KIF1B: variants seen among roughly 807,000 people sequenced by gnomAD.
KIF1B encodes kinesin family member 1B, also known as kinesin-like protein KIF1B.
Under a neutral mutation model 241.9 loss-of-function variants are expected in KIF1B, and 76 were observed. The ratio of observed to expected loss-of-function variants is 0.31; its 90% CI spans 0.26 to 0.38. The LOEUF is 0.38. Among genes scored for constraint, KIF1B ranks in the 10% least tolerant of loss-of-function variants. The probability of loss-of-function intolerance (pLI) is 1.00; values close to 1 mark genes in which losing one functional copy is unlikely to be tolerated. For synonymous variants in KIF1B, 750 were observed against 796.7 expected (o/e 0.94, Z 0.99); for missense variants, 1,622 against 2,271.4 (o/e 0.71, Z 5.81).
intron 27 of KIF1B, among the ~76,000 whole-genome samples, chr1:10,330,243 G>T (rs1173560502): frequency 6.6e-6 from 1 of 152,094 alleles, no homozygotes. Flanking sequence ...TGGAGCTAAG[G>T]GCTATATTCT....
At chr1:10,236,303 CAAA>C (rs869171370) in intron 2 of KIF1B, among the ~76,000 whole-genome samples, 16 of 151,506 alleles carry the variant, frequency 1.1e-4, no homozygotes, top group Admixed American at 4.0e-4. Flanking sequence ...ACAACAACAA[CAAA>C]AACCCATATA....
chr1:10,272,040 A>C (rs139575976), intron 8 of KIF1B, among the ~76,000 whole-genome samples: 22 of 152,346 alleles, frequency 1.4e-4, no homozygotes, highest in African/African-American at 4.8e-4. Flanking sequence ...TCTCGAAGAT[A>C]CTTCAGGACT....
chr1:10,373,084 G>A (rs1018952455), intron 45 of KIF1B, among the ~76,000 whole-genome samples: 2 of 151,726 alleles, frequency 1.3e-5, no homozygotes, highest in African/African-American at 4.8e-5. Context: ...CAAAGTGCTG[G>A]GATTACAGGC....
chr1:10,333,814 A>C (rs1015519073), intron 27 of KIF1B, among the ~76,000 whole-genome samples: 1 of 151,900 alleles, frequency 6.6e-6, no homozygotes, highest in Admixed American at 6.5e-5. Flanking sequence ...TGTTTTATCT[A>C]TTGGGAAAAA....
chr1:10,292,030 A>G lies in KIF1B; in HGVS notation c.1515-17A>G. ...CATTTTGGTATTAGTGTTCTGATATACCTGTTTTTTTCCTAGAGAGGCTTT... is the reference window on the plus strand; with the variant it reads ...CATTTTGGTATTAGTGTTCTGATATGCCTGTTTTTTTCCTAGAGAGGCTTT... On this transcript the variant is annotated splice_polypyrimidine_tract_variant and intron_variant, in intron 16 of 48. Coordinates refer to ENST00000676179, the MANE Select transcript of KIF1B (RefSeq NM_001365951.3). 1 of 1,608,590 alleles carries G rather than the reference A, an allele frequency of 6.2e-7. No individual in the cohort carries two copies. The highest frequency in any genetic ancestry group is 8.5e-7 in the Non-Finnish European group (1 of 1,175,064).
chr1:10,298,198 T>A (rs1447880592), intron 22 of KIF1B, among the ~76,000 whole-genome samples: 2 of 152,248 alleles, frequency 1.3e-5, no homozygotes, highest in Non-Finnish European at 2.9e-5. Context: ...GATTCAGTTG[T>A]ATCTTTCTTT....
chr1:10,355,519 A>C (rs956914964), intron 38 of KIF1B: 10 of 152,644 alleles, frequency 6.6e-5, no homozygotes, highest in African/African-American at 2.4e-4. Flanking sequence ...TACCTAGGAT[A>C]GAGTAGACCC....
chr1:10,284,722 C>T (rs987739733), intron 15 of KIF1B, among the ~76,000 whole-genome samples: 2 of 151,470 alleles, frequency 1.3e-5, no homozygotes, highest in Non-Finnish European at 2.9e-5. Context: ...ATTAGCCGGC[C>T]ATGGTGACGT....
chr1:10,277,846 A>G (rs1302934877), intron 12 of KIF1B, 140 bp from the exon 13 acceptor site: 1 of 748,966 alleles, frequency 1.3e-6, no homozygotes, highest in Non-Finnish European at 2.2e-6. Context: ...AGGTACTATA[A>G]AGCTTTATAC....
chr1:10,272,931 A>G, intron 9 of KIF1B, 83 bp from the exon 10 acceptor site: 1 of 1,140,412 alleles, frequency 8.8e-7, no homozygotes, highest in Non-Finnish European at 1.3e-6. Context: ...AATCTATGAC[A>G]TGAAATTTAA....
chr1:10,364,882 T>G lies in KIF1B; in HGVS notation c.4367-218T>G, dbSNP rs990712144. Among the ~76,000 whole-genome samples, 33 of 151,682 alleles carry G rather than the reference T, an allele frequency of 2.2e-4. No individual in the cohort carries two copies. In the East Asian group the frequency reaches 3.5e-3, roughly 16 times the overall value. ...TTAGCTGGGCATGGTGGCGGGCACC[T>G]GTAGTCTCAGCTACTCGGGAGGCTG... On this transcript the variant is annotated intron_variant, in intron 41 of 48. Coordinates refer to ENST00000676179, the MANE Select transcript of KIF1B (RefSeq NM_001365951.3).
intron 38 of KIF1B, among the ~76,000 whole-genome samples, 159 bp from the exon 39 acceptor site, chr1:10,360,770 C>T (rs907093386): frequency 1.3e-5 from 2 of 151,732 alleles, no homozygotes; most frequent in South Asian, 2.1e-4. Context: ...ATCTTTTCCT[C>T]CTAGGAGATA....
At chr1:10,261,881 G>T (rs778370375) in intron 4 of KIF1B, 24 bp from the exon 5 acceptor site, 4 of 1,531,620 alleles carry the variant, frequency 2.6e-6, no homozygotes, top group Admixed American at 1.7e-5. Context: ...TGCTCTTCAT[G>T]CCTCTCTCAT....
chr1:10,339,654 G>T (rs1652313885), intron 31 of KIF1B, 115 bp from the exon 32 acceptor site: 1 of 843,984 alleles, frequency 1.2e-6, no homozygotes. Context: ...ATAACTTAAA[G>T]AATCTGCTTA....
intron 22 of KIF1B, chr1:10,306,425 T>A (rs769287210): frequency 9.9e-7 from 1 of 1,015,078 alleles, no homozygotes; most frequent in Non-Finnish European, 1.2e-6. Flanking sequence ...ACTATTCCTT[T>A]CTATACACAA....
intron 22 of KIF1B, among the ~76,000 whole-genome samples, chr1:10,311,397 C>T (rs1006987739): frequency 6.6e-6 from 1 of 150,878 alleles, no homozygotes; most frequent in African/African-American, 2.5e-5. Context: ...TTAGTAGAGA[C>T]GGACGGGGTC....
intron 38 of KIF1B, 149 bp from the exon 39 acceptor site, chr1:10,360,780 A>G (rs1401962911): frequency 1.1e-5 from 8 of 707,018 alleles, no homozygotes; most frequent in Middle Eastern, 2.4e-4. Context: ...CCTAGGAGAT[A>G]AGGGTTCCTC....
chr1:10,314,816 CA>C (rs1408854673), intron 22 of KIF1B, among the ~76,000 whole-genome samples: 2 of 151,640 alleles, frequency 1.3e-5, no homozygotes, highest in Non-Finnish European at 2.9e-5. Flanking sequence ...AGGTCATCCT[CA>C]TACCTTAACT....
chr1:10,226,357 T>TAC (rs1646908723), intron 1 of KIF1B, among the ~76,000 whole-genome samples: 1 of 151,946 alleles, frequency 6.6e-6, no homozygotes, highest in African/African-American at 2.4e-5. Context: ...TATAGAAAAA[T>TAC]GTATGTGTGT....
Sources: allele counts gnomAD v4.1 joint callset (sites outside exome capture counted in the v4.1 genomes callset), GRCh38; gene constraint gnomAD v4.1.1; transcripts MANE v1.5; gene names NCBI Gene and HGNC (gene_info 2026-07-23, HGNC 2026-07-21).